The following TTC28 variants were observed in gnomAD, a reference collection of about 807,000 sequenced individuals.
TTC28 encodes the protein tetratricopeptide repeat domain 28.
In TTC28, 61 loss-of-function variants were observed where a neutral mutation model predicts 198.0. The observed-to-expected ratio is 0.31, with a 90% CI of 0.25 to 0.38. TTC28 has a LOEUF of 0.38. TTC28 is among the 10% of genes least tolerant of loss of function. The probability of loss-of-function intolerance (pLI) is 1.00; values close to 1 mark genes in which losing one functional copy is unlikely to be tolerated. For synonymous variants in TTC28, 1,171 were observed against 1,297.8 expected (o/e 0.90, Z 2.10); for missense variants, 2,678 against 3,164.0 (o/e 0.85, Z 3.69).
chr22:28,439,862 T>G (rs2047590636), intron 2 of TTC28, among the ~76,000 whole-genome samples: 1 of 151,776 alleles, frequency 6.6e-6, no homozygotes, highest in African/African-American at 2.4e-5. Flanking sequence ...TAAGACAGAG[T>G]TTTGTTCTTG....
intron 2 of TTC28, among the ~76,000 whole-genome samples, chr22:28,476,266 T>C (rs574326918): frequency 3.3e-5 from 5 of 152,242 alleles, no homozygotes; most frequent in Non-Finnish European, 5.9e-5. Context: ...TGCTTGTTTA[T>C]TAACTTTATC....
At chr22:27,990,071 C>T (rs553762937) in intron 20 of TTC28, 64 bp from the exon 21 acceptor site, 36 of 1,515,914 alleles carry the variant, frequency 2.4e-5, no homozygotes, top group Admixed American at 6.2e-5. Flanking sequence ...CCTCAAGACT[C>T]GACCCATTAT....
chr22:28,545,982 A>G (rs139635156), intron 2 of TTC28, among the ~76,000 whole-genome samples: 2 of 152,366 alleles, frequency 1.3e-5, no homozygotes, highest in East Asian at 1.9e-4. Context: ...AGCTGATTCT[A>G]TAATTTACAT....
chr22:27,998,533 C>T lies in TTC28; in HGVS notation c.5119+7G>A. 4.5e-6 allele frequency: 7 copies of T among 1,545,836 alleles called. No individual in the cohort carries two copies. ...TGACAGGCACCCGCAGCCAGCCGAA[C>T]TCCCACCTGCCCAGTTGGAGGGGTG... On this transcript the variant is annotated splice_region_variant and intron_variant, in intron 16 of 22. Transcript: ENST00000397906.
At chr22:28,472,135 T>A (rs1001857822) in intron 2 of TTC28, among the ~76,000 whole-genome samples, 1 of 152,158 alleles carries the variant, frequency 6.6e-6, no homozygotes, top group Non-Finnish European at 1.5e-5. Flanking sequence ...CAAAAGAGCA[T>A]CTATTTGTAT....
intron 21 of TTC28, among the ~76,000 whole-genome samples, chr22:27,986,943 C>T (rs1382699535): frequency 1.3e-5 from 2 of 152,210 alleles, no homozygotes; most frequent in Non-Finnish European, 2.9e-5. Context: ...GAAACCTCTA[C>T]TTTTACCAAA....
intron 2 of TTC28, among the ~76,000 whole-genome samples, chr22:28,475,149 C>CAAAA (rs386395148): frequency 0.02 from 1,310 of 63,978 alleles, 23 homozygotes; most frequent in African/African-American, 0.041. Flanking sequence ...GACTCCATCT[C>CAAAA]AAAAAAAAAA....
At chr22:28,318,189 C>T (rs1441543004) in intron 2 of TTC28, among the ~76,000 whole-genome samples, 2 of 151,860 alleles carry the variant, frequency 1.3e-5, no homozygotes, top group African/African-American at 4.8e-5. Flanking sequence ...AGATGAGAGG[C>T]ATGAGCCACT....
chr22:28,231,473 A>G (rs1242380803), intron 5 of TTC28, among the ~76,000 whole-genome samples: 1 of 152,252 alleles, frequency 6.6e-6, no homozygotes, highest in Non-Finnish European at 1.5e-5. Context: ...GTCAAAATAT[A>G]TAATTTGCAT....
At chr22:28,091,525 G>GA (rs1941813291) in intron 12 of TTC28, among the ~76,000 whole-genome samples, 1 of 152,076 alleles carries the variant, frequency 6.6e-6, no homozygotes. Flanking sequence ...GCCAGCAGTA[G>GA]AAACATGAAA....
chr22:28,449,898 CAAG>C (rs2047755183), intron 2 of TTC28, among the ~76,000 whole-genome samples: 1 of 151,940 alleles, frequency 6.6e-6, no homozygotes, highest in Non-Finnish European at 1.5e-5. Context: ...TGAAAGGAAC[CAAG>C]AAGGATTTAA....
intron 2 of TTC28, among the ~76,000 whole-genome samples, chr22:28,338,918 G>A (rs2045779587): frequency 6.6e-6 from 1 of 152,138 alleles, no homozygotes; most frequent in African/African-American, 2.4e-5. Context: ...TCCTGGTAAG[G>A]AGCTGTGTTC....
chr22:28,203,116 C>T lies in TTC28; in HGVS notation c.934-39517G>A, dbSNP rs916480625. Reference sequence around the variant, plus strand: ...AGATATGGTTTTCTATGCTTATTTGCGCATATTAAATTTTTTTAGTGGAAA... The same window carrying T: ...AGATATGGTTTTCTATGCTTATTTGTGCATATTAAATTTTTTTAGTGGAAA... On this transcript the variant is annotated intron_variant, in intron 5 of 22. Transcript: ENST00000397906. Among the ~76,000 whole-genome samples the T allele has an allele frequency of 9.9e-5, 15 of 151,988 alleles. No homozygotes were observed. The East Asian group carries it at 1.5e-3, about 16-fold the overall frequency.
At chr22:28,235,961 T>C (rs1929213710) in intron 5 of TTC28, among the ~76,000 whole-genome samples, 1 of 152,224 alleles carries the variant, frequency 6.6e-6, no homozygotes, top group Non-Finnish European at 1.5e-5. Flanking sequence ...TAGCAGCTAC[T>C]GCTTTCTAAG....
chr22:28,313,364 A>C (rs937265090), intron 2 of TTC28, among the ~76,000 whole-genome samples: 2 of 152,226 alleles, frequency 1.3e-5, no homozygotes, highest in Non-Finnish European at 1.5e-5. Context: ...TCATTTTATG[A>C]GGCCAGCATC....
At chr22:28,032,832 G>C (rs1939188098) in intron 12 of TTC28, among the ~76,000 whole-genome samples, 1 of 152,124 alleles carries the variant, frequency 6.6e-6, no homozygotes, top group Non-Finnish European at 1.5e-5. Flanking sequence ...ACAGGAATTA[G>C]GAGAAACCAG....
intron 12 of TTC28, among the ~76,000 whole-genome samples, chr22:28,050,492 T>C (rs1050003519): frequency 1.3e-5 from 2 of 152,162 alleles, no homozygotes; most frequent in Non-Finnish European, 2.9e-5. Context: ...GCCAAGAAGG[T>C]CTCTGGAAAG....
chr22:28,629,603 C>T lies in TTC28; in HGVS notation c.330G>A (p.Lys110=). 6.4e-7 allele frequency: 1 copy of T among 1,551,714 alleles called. No homozygotes were observed. The highest frequency in any genetic ancestry group is 8.7e-7 in the Non-Finnish European group (1 of 1,147,006). The change falls in exon 2 of 23, where the codon AAG becomes AAA. Residue 110 remains lysine, a synonymous_variant. Coordinates refer to ENST00000397906, the MANE Select transcript of TTC28 (RefSeq NM_001145418.2). Reference sequence around the variant, plus strand: ...GAGCTTTGATTGCATCATCCAGTGCCTTGTCATACTGCTGGATTTTCATGT... The same window carrying T: ...GAGCTTTGATTGCATCATCCAGTGCTTTGTCATACTGCTGGATTTTCATGT... ...AAYMKIQQYD[K]ALDDAIKARL... is the part of the protein sequence containing the mutation.
chr22:28,508,986 T>A (rs1419515058), intron 2 of TTC28, among the ~76,000 whole-genome samples: 2 of 151,696 alleles, frequency 1.3e-5, no homozygotes, highest in African/African-American at 4.8e-5. Context: ...AAGCCAGGAG[T>A]TCGAGACCAG....
Sources: gnomAD v4.1 joint callset for allele counts (sites outside exome capture counted in the v4.1 genomes callset) on GRCh38, gnomAD v4.1.1 for gene constraint, MANE v1.5 for transcripts, NCBI Gene and HGNC (gene_info 2026-07-23, HGNC 2026-07-21) for gene names.